TRIM2: variants seen among roughly 807,000 people sequenced by gnomAD.
TRIM2 encodes the protein tripartite motif containing 2, also known as tripartite motif-containing protein 2.
TRIM2 carries 20 observed loss-of-function variants against 75.2 expected under a neutral mutation model. The ratio of observed to expected loss-of-function variants is 0.27; its 90% CI spans 0.19 to 0.39. TRIM2 has a LOEUF of 0.39. Ranked by LOEUF, TRIM2 falls within the 10% of genes least tolerant of loss-of-function variation. The probability of loss-of-function intolerance (pLI) is 1.00; values close to 1 mark genes in which losing one functional copy is unlikely to be tolerated. For synonymous variants in TRIM2, 373 were observed against 388.3 expected, an observed-to-expected ratio of 0.96 and a Z score of 0.46; for missense variants, 660 against 990.8, an observed-to-expected ratio of 0.67 and a Z score of 4.48.
At chr4:153,219,376 G>T (rs866431512) in intron 1 of TRIM2, among the ~76,000 whole-genome samples, 19 of 152,238 alleles carry the variant, frequency 1.2e-4, no homozygotes, top group Middle Eastern at 3.4e-3. Flanking sequence ...TGGGTCCTGA[G>T]AACTTTATCT....
At chr4:153,280,891 A>G (rs1479287101) in intron 3 of TRIM2, among the ~76,000 whole-genome samples, 3 of 151,916 alleles carry the variant, frequency 2.0e-5, no homozygotes, top group Non-Finnish European at 4.4e-5. Flanking sequence ...TCACCATGTT[A>G]GCCAGGATGG....
At chr4:153,277,415 A>G (rs150576083) in intron 3 of TRIM2, among the ~76,000 whole-genome samples, 1 of 152,164 alleles carries the variant, frequency 6.6e-6, no homozygotes, top group East Asian at 1.9e-4. Flanking sequence ...TCTGCTTGCC[A>G]TCAGCTGTGT....
chr4:153,226,108 C>T (rs989028784), intron 1 of TRIM2, among the ~76,000 whole-genome samples: 1 of 152,180 alleles, frequency 6.6e-6, no homozygotes, highest in African/African-American at 2.4e-5. Context: ...TGGCCTCAAG[C>T]AATCCTCCTG....
At chr4:153,273,630 A>G (rs958896749) in intron 2 of TRIM2, among the ~76,000 whole-genome samples, 3 of 151,788 alleles carry the variant, frequency 2.0e-5, no homozygotes, top group Non-Finnish European at 4.4e-5. Context: ...CCAAAACAGC[A>G]TCAAAAGGCT....
In TRIM2 at chr4:153,295,945, C is replaced by G; in HGVS notation, c.1419C>G (p.Val473=). ...RRVKSPGSGH[V]KQKAVKRPAS... ...TTAAGTCCCCGGGGAGCGGCCACGT[C>G]AAGCAGAAAGCTGTGAAAAGACCCG... Residue 473 remains valine, a synonymous_variant, in exon 6 of 12, where the codon GTC becomes GTG. Transcript: ENST00000338700. The surrounding 1 kb of genome is among the most constrained non-coding windows in gnomAD (Gnocchi z 7.2). 6.3e-7 allele frequency: 1 copy of G among 1,588,214 alleles called. No homozygotes were observed. The highest frequency in any genetic ancestry group is 8.6e-7 in the Non-Finnish European group (1 of 1,168,534).
intron 1 of TRIM2, among the ~76,000 whole-genome samples, chr4:153,195,860 G>A (rs1345906143): frequency 1.3e-5 from 2 of 152,104 alleles, no homozygotes; most frequent in Admixed American, 6.5e-5. Flanking sequence ...CGCCCAGGCT[G>A]GAGTGCAGTG....
intron 1 of TRIM2, among the ~76,000 whole-genome samples, chr4:153,218,572 C>A (rs1171702649): frequency 1.3e-5 from 2 of 152,132 alleles, no homozygotes; most frequent in Non-Finnish European, 2.9e-5. Context: ...TGCCTCTTAT[C>A]AAAAACATGC....
chr4:153,317,482 A>G (rs1025069855), intron 8 of TRIM2, among the ~76,000 whole-genome samples: 2 of 150,844 alleles, frequency 1.3e-5, no homozygotes, highest in Non-Finnish European at 1.5e-5. Context: ...CCCCGTCTCT[A>G]CTAAAAATAC....
intron 1 of TRIM2, among the ~76,000 whole-genome samples, chr4:153,159,408 C>G (rs571251649): frequency 7.0e-6 from 1 of 143,392 alleles, no homozygotes; most frequent in Non-Finnish European, 1.5e-5. Flanking sequence ...TCAAGTGATC[C>G]TCTCGTGTCA....
chr4:153,172,570 G>C (rs1579305528), intron 1 of TRIM2, among the ~76,000 whole-genome samples: 1 of 152,104 alleles, frequency 6.6e-6, no homozygotes, highest in East Asian at 1.9e-4. Context: ...GGGAATTCTC[G>C]GTTAGATCAT....
Position 153,295,494 on chromosome 4 carries a change from A to G in TRIM2, c.968A>G (p.Asn323Ser), listed in dbSNP as rs1319311671. 6.2e-7 allele frequency: 1 copy of G among 1,614,178 alleles called. No homozygotes were observed. The highest frequency in any genetic ancestry group is 1.1e-5 in the South Asian group (1 of 91,080). ...DQDFPLHPRENDQLDFIVETE... is the reference protein window; with the variant it reads ...DQDFPLHPRESDQLDFIVETE... ...GACTTCCCCTTGCACCCGCGGGAGA[A>G]CGACCAGCTGGATTTCATCGTGGAA... Residue 323 changes from asparagine to serine, a missense_variant, in exon 6 of 12, where the codon AAC becomes AGC. Around this residue, in one of 2 missense-constraint regions of TRIM2, gnomAD observed 620 missense variants for 891.0 expected, o/e 0.70. Transcript: ENST00000338700. The surrounding 1 kb of genome is among the most constrained non-coding windows in gnomAD (Gnocchi z 7.2).
intron 6 of TRIM2, among the ~76,000 whole-genome samples, chr4:153,313,591 A>T (rs894215234): frequency 5.3e-5 from 8 of 150,298 alleles, no homozygotes; most frequent in Non-Finnish European, 1.0e-4. Flanking sequence ...TTCCTAAGGC[A>T]CTGCATTGAT....
intron 1 of TRIM2, among the ~76,000 whole-genome samples, chr4:153,183,104 C>T (rs767302996): frequency 1.3e-5 from 2 of 152,226 alleles, no homozygotes; most frequent in Non-Finnish European, 2.9e-5. Context: ...TGTGTTTAGC[C>T]TCAAAGCCTG....
intron 1 of TRIM2, among the ~76,000 whole-genome samples, chr4:153,185,108 T>C (rs1290470504): frequency 1.3e-5 from 2 of 152,272 alleles, no homozygotes; most frequent in East Asian, 3.8e-4. Context: ...TTGCCCTTTG[T>C]ATTCTTTTTA....
At chr4:153,175,111 G>C (rs1264432937) in intron 1 of TRIM2, among the ~76,000 whole-genome samples, 1 of 152,072 alleles carries the variant, frequency 6.6e-6, no homozygotes, top group Non-Finnish European at 1.5e-5. Context: ...CTGCCTTCCG[G>C]TTTCAAGCGA....
chr4:153,233,511 A>G (rs568077998), intron 1 of TRIM2, among the ~76,000 whole-genome samples: 35 of 152,280 alleles, frequency 2.3e-4, no homozygotes, highest in African/African-American at 8.4e-4. Context: ...TTGAGATAGG[A>G]CCAATTATAT....
chr4:153,197,118 A>G (rs1733860008), intron 1 of TRIM2, among the ~76,000 whole-genome samples: 1 of 152,220 alleles, frequency 6.6e-6, no homozygotes, highest in South Asian at 2.1e-4. Flanking sequence ...TACATATGAA[A>G]CTGACTTTAG....
intron 1 of TRIM2, among the ~76,000 whole-genome samples, chr4:153,177,439 A>G (rs1056058660): frequency 6.6e-6 from 1 of 152,090 alleles, no homozygotes; most frequent in Non-Finnish European, 1.5e-5. Flanking sequence ...GTGGATCAGG[A>G]GTTTGAGACC....
At chr4:153,257,332 C>A in intron 1 of TRIM2, 1 of 889,412 alleles carries the variant, frequency 1.1e-6, no homozygotes. Flanking sequence ...CATTGCAGCT[C>A]GCTGCTGCAT....
Sources: allele counts gnomAD v4.1 joint callset (sites outside exome capture counted in the v4.1 genomes callset), GRCh38; gene constraint gnomAD v4.1.1; regional missense constraint gnomAD v4.1.1; non-coding constraint Gnocchi (gnomAD v3.1); transcripts MANE v1.5; gene names NCBI Gene and HGNC (gene_info 2026-07-23, HGNC 2026-07-21).